Variants in SPIN1 observed in about 807,000 individuals in gnomAD.
The protein encoded by SPIN1 is spindlin-1.
SPIN1 carries 3 observed loss-of-function variants against 26.0 expected under a neutral mutation model. That is an observed-to-expected ratio of 0.12 (90% CI 0.05 to 0.30). The LOEUF is 0.30. Ranked by LOEUF, SPIN1 falls within the 10% of genes least tolerant of loss-of-function variation. SPIN1 has a pLI of 1.00. For synonymous variants in SPIN1, 101 were observed against 116.5 expected (o/e 0.87, Z 0.86); for missense variants, 126 against 333.4 (o/e 0.38, Z 4.84).
chr9:88,412,176 CT>C (rs1269648927), intron 1 of SPIN1, among the ~76,000 whole-genome samples: 3 of 151,674 alleles, frequency 2.0e-5, no homozygotes, highest in Non-Finnish European at 2.9e-5. Flanking sequence ...GAGACTGCAT[CT>C]CAAAAAAAAA....
At chr9:88,449,759 T>G (rs1382847137) in intron 3 of SPIN1, among the ~76,000 whole-genome samples, 1 of 152,198 alleles carries the variant, frequency 6.6e-6, no homozygotes, top group Non-Finnish European at 1.5e-5. Flanking sequence ...CTGTTCTGAT[T>G]GTGAGACTCT....
chr9:88,393,818 A>ACC (rs1327824666), intron 1 of SPIN1, among the ~76,000 whole-genome samples: 2 of 150,788 alleles, frequency 1.3e-5, no homozygotes, highest in Non-Finnish European at 3.0e-5. Context: ...ATCATTGTAG[A>ACC]CCCATGGATT....
chr9:88,420,450 A>G (rs1827648070), intron 1 of SPIN1, among the ~76,000 whole-genome samples: 1 of 152,248 alleles, frequency 6.6e-6, no homozygotes, highest in African/African-American at 2.4e-5. Flanking sequence ...TGGGTAGCAC[A>G]GAATCCAGAG....
At chr9:88,470,104 A>G (rs1180028492) in intron 5 of SPIN1, among the ~76,000 whole-genome samples, 1 of 152,202 alleles carries the variant, frequency 6.6e-6, no homozygotes, top group Non-Finnish European at 1.5e-5. Context: ...TTCCCTTAGC[A>G]TATTTTGAGA....
intron 1 of SPIN1, among the ~76,000 whole-genome samples, chr9:88,400,287 G>A (rs1397178597): frequency 1.3e-5 from 2 of 152,188 alleles, no homozygotes. Context: ...ATAGTCAGGA[G>A]CCTGGAGGAG....
rs534332518 is a variant in SPIN1, at chr9:88,400,008, C to T, written c.-159+11470C>T. Among the ~76,000 whole-genome samples the T allele has an allele frequency of 9.9e-5, 15 of 152,242 alleles. 1 individual carries two copies. In the South Asian group the frequency reaches 3.1e-3, roughly 32 times the overall value. On this transcript the variant is annotated intron_variant, in intron 1 of 5. Transcript: ENST00000375859. ...TCTGTTTAAGCTGGAGTCCTTAAATCCTTAAATGCTGCTCTGCTGCCTTTC... is the reference window on the plus strand; with the variant it reads ...TCTGTTTAAGCTGGAGTCCTTAAATTCTTAAATGCTGCTCTGCTGCCTTTC...
At chr9:88,442,526 C>G (rs1828157583) in intron 2 of SPIN1, among the ~76,000 whole-genome samples, 1 of 151,736 alleles carries the variant, frequency 6.6e-6, no homozygotes, top group Non-Finnish European at 1.5e-5. Context: ...GCCTCAGCCT[C>G]CCGAGTAGCT....
intron 3 of SPIN1, among the ~76,000 whole-genome samples, chr9:88,458,494 A>G (rs1005715019): frequency 6.6e-6 from 1 of 152,160 alleles, no homozygotes; most frequent in African/African-American, 2.4e-5. Flanking sequence ...AAAACTGCTT[A>G]TTTTGAAATG....
chr9:88,388,938 AG>A (rs1826853051), intron 1 of SPIN1, among the ~76,000 whole-genome samples: 2 of 121,960 alleles, frequency 1.6e-5, no homozygotes, highest in Admixed American at 1.7e-4. Context: ...GGGCGCGGGG[AG>A]GGGGCGCTGC....
intron 2 of SPIN1, among the ~76,000 whole-genome samples, chr9:88,439,204 T>A (rs1173639059): frequency 1.3e-5 from 2 of 152,170 alleles, no homozygotes; most frequent in Non-Finnish European, 2.9e-5. Flanking sequence ...AACACATTAT[T>A]TTTTCAGTGT....
chr9:88,391,121 C>A (rs567590589), intron 1 of SPIN1, among the ~76,000 whole-genome samples: 2 of 152,166 alleles, frequency 1.3e-5, no homozygotes, highest in African/African-American at 4.8e-5. Flanking sequence ...TTAGGACCTA[C>A]TGGCTCTTTG....
At chr9:88,391,432 C>G (rs573166688) in intron 1 of SPIN1, 2 of 161,908 alleles carry the variant, frequency 1.2e-5, no homozygotes, top group African/African-American at 4.8e-5. Context: ...ATAACAGAAA[C>G]TGCAGCCACA....
At chr9:88,391,252 A>T (rs951771152) in intron 1 of SPIN1, 2 of 152,238 alleles carry the variant, frequency 1.3e-5, no homozygotes, top group East Asian at 1.9e-4. Context: ...AAAAAATCAC[A>T]GAACTGTTTA....
Position 88,471,507 on chromosome 9 carries a change from T to C in SPIN1, c.589+2902T>C, listed in dbSNP as rs1190034237. Among the ~76,000 whole-genome samples the C allele has an allele frequency of 4.0e-5, 6 of 151,544 alleles. No homozygotes were observed. In the East Asian group the frequency reaches 7.8e-4, roughly 20 times the overall value. ...GGGAAACCCTGTCTCTACTAAAAATTAGCCAGGTGTGGTGGCAGGCACCTG... is the reference window on the plus strand; with the variant it reads ...GGGAAACCCTGTCTCTACTAAAAATCAGCCAGGTGTGGTGGCAGGCACCTG... On this transcript the variant is annotated intron_variant, in intron 5 of 5. Coordinates refer to ENST00000375859, the MANE Select transcript of SPIN1 (RefSeq NM_006717.3).
At chr9:88,404,529 G>A (rs760048681) in intron 1 of SPIN1, among the ~76,000 whole-genome samples, 53 of 152,112 alleles carry the variant, frequency 3.5e-4, no homozygotes, top group Non-Finnish European at 6.0e-4. Flanking sequence ...TTGTACAGAT[G>A]TATAGAAATA....
rs893979124 is a variant in SPIN1, at chr9:88,436,849, C to T, written c.52+10258C>T. Among the ~76,000 whole-genome samples the T allele has an allele frequency of 6.9e-5, 10 of 145,492 alleles. No homozygotes were observed. The East Asian group carries it at 2.1e-3, about 31-fold the overall frequency. Reference sequence around the variant, plus strand: ...GCGGGATCTCGGCTCACTGCAAGCTCCGCCTCCCGGGTTCACGCCATTCTC... The same window carrying T: ...GCGGGATCTCGGCTCACTGCAAGCTTCGCCTCCCGGGTTCACGCCATTCTC... On this transcript the variant is annotated intron_variant, in intron 2 of 5. Coordinates refer to ENST00000375859, the MANE Select transcript of SPIN1 (RefSeq NM_006717.3).
At chr9:88,464,807 G>T (rs776270139) in intron 4 of SPIN1, among the ~76,000 whole-genome samples, 6 of 152,068 alleles carry the variant, frequency 3.9e-5, no homozygotes, top group Non-Finnish European at 7.4e-5. Context: ...TAAGTGTACA[G>T]TTCAGTAGTG....
At chr9:88,416,822 C>G (rs1167119614) in intron 1 of SPIN1, 1 of 152,052 alleles carries the variant, frequency 6.6e-6, no homozygotes, top group Non-Finnish European at 1.5e-5. Context: ...GGGGTTTTTC[C>G]ATGTTGGTCA....
chr9:88,389,165 C>T (rs946806622), intron 1 of SPIN1, among the ~76,000 whole-genome samples: 9 of 152,242 alleles, frequency 5.9e-5, no homozygotes, highest in African/African-American at 1.7e-4. Flanking sequence ...ACCGGCCAGT[C>T]CTCGCGCCCG....
Sources: allele counts gnomAD v4.1 joint callset (sites outside exome capture counted in the v4.1 genomes callset), GRCh38; gene constraint gnomAD v4.1.1; transcripts MANE v1.5; gene names NCBI Gene and HGNC (gene_info 2026-07-23, HGNC 2026-07-21).